CHRM3: variants seen among roughly 807,000 people sequenced by gnomAD.
CHRM3 encodes muscarinic acetylcholine receptor M3.
A neutral mutation model predicts 41.8 loss-of-function variants in CHRM3; 11 were observed. That is an observed-to-expected ratio of 0.26 (90% CI 0.17 to 0.44). CHRM3 has a LOEUF of 0.44. CHRM3 is among the 20% of genes least tolerant of loss of function. CHRM3 has a pLI of 1.00. For synonymous variants in CHRM3, 297 were observed against 301.4 expected (o/e 0.99, Z 0.15); for missense variants, 571 against 745.4 (o/e 0.77, Z 2.72).
chr1:239,824,905 C>G (rs186794742), intron 5 of CHRM3, among the ~76,000 whole-genome samples: 5 of 152,326 alleles, frequency 3.3e-5, no homozygotes, highest in Admixed American at 1.3e-4. Context: ...TCCAATAAGG[C>G]CTGATTCCTT....
intron 3 of CHRM3, among the ~76,000 whole-genome samples, chr1:239,562,851 G>A (rs2148497368): frequency 7.1e-6 from 1 of 141,842 alleles, no homozygotes; most frequent in Non-Finnish European, 1.5e-5. Context: ...TCGCGCCACT[G>A]CACTCCAGCC....
chr1:239,901,176 T>C (rs1182056371), intron 6 of CHRM3, among the ~76,000 whole-genome samples: 1 of 152,182 alleles, frequency 6.6e-6, no homozygotes, highest in Non-Finnish European at 1.5e-5. Flanking sequence ...TGATCAATAT[T>C]ATCAGATGCG....
chr1:239,600,349 C>A (rs1665365264), intron 3 of CHRM3, among the ~76,000 whole-genome samples: 1 of 151,884 alleles, frequency 6.6e-6, no homozygotes, highest in Non-Finnish European at 1.5e-5. Context: ...GGCTCTTCTG[C>A]TTGAGTGAAA....
intron 6 of CHRM3, among the ~76,000 whole-genome samples, chr1:239,867,356 T>C (rs763323916): frequency 1.3e-4 from 20 of 152,312 alleles, no homozygotes; most frequent in Non-Finnish European, 2.4e-4. Flanking sequence ...TATAGGAGTG[T>C]GCCCACTAGG....
chr1:239,881,207 C>T (rs529946676), intron 6 of CHRM3, among the ~76,000 whole-genome samples: 8 of 124,280 alleles, frequency 6.4e-5, no homozygotes, highest in South Asian at 2.8e-4. Flanking sequence ...GGCGTGAACC[C>T]GGGAGGCGGA....
At chr1:239,576,276 C>G (rs565930365) in intron 3 of CHRM3, among the ~76,000 whole-genome samples, 2 of 152,182 alleles carry the variant, frequency 1.3e-5, no homozygotes, top group East Asian at 3.9e-4. Context: ...CCTACCCACC[C>G]CCATCCCCAG....
intron 2 of CHRM3, among the ~76,000 whole-genome samples, chr1:239,505,399 G>A (rs1668504456): frequency 6.6e-6 from 1 of 151,954 alleles, no homozygotes; most frequent in African/African-American, 2.4e-5. Context: ...GAATCACTGG[G>A]GCAGGTCTTT....
At chr1:239,788,836 T>G (rs1425020297) in intron 5 of CHRM3, among the ~76,000 whole-genome samples, 1 of 152,182 alleles carries the variant, frequency 6.6e-6, no homozygotes, top group African/African-American at 2.4e-5. Context: ...ACTTTAAATC[T>G]ACAAAAAATG....
intron 3 of CHRM3, among the ~76,000 whole-genome samples, chr1:239,564,570 C>T (rs1661174574): frequency 6.6e-6 from 1 of 152,134 alleles, no homozygotes; most frequent in East Asian, 1.9e-4. Context: ...ATTCAAAATA[C>T]TACCTAAGGG....
chr1:239,877,602 T>C (rs1306957458), intron 6 of CHRM3, among the ~76,000 whole-genome samples: 1 of 152,190 alleles, frequency 6.6e-6, no homozygotes, highest in Non-Finnish European at 1.5e-5. Context: ...CTCCATTTTA[T>C]AGATGCAGAG....
intron 5 of CHRM3, among the ~76,000 whole-genome samples, chr1:239,809,582 C>T (rs1306757865): frequency 6.6e-6 from 1 of 152,100 alleles, no homozygotes; most frequent in Non-Finnish European, 1.5e-5. Flanking sequence ...ACTACAGCCT[C>T]AACTTCCCAG....
At chr1:239,674,458 T>G (rs544553457) in intron 4 of CHRM3, among the ~76,000 whole-genome samples, 1 of 152,030 alleles carries the variant, frequency 6.6e-6, no homozygotes, top group African/African-American at 2.4e-5. Flanking sequence ...GCCTGTAATC[T>G]CAGCACTTTG....
chr1:239,795,070 G>T (rs1020614988), intron 5 of CHRM3, among the ~76,000 whole-genome samples: 19 of 152,128 alleles, frequency 1.2e-4, no homozygotes, highest in Non-Finnish European at 1.5e-5. Flanking sequence ...TTATTCTTAA[G>T]AGGACAGAAT....
intron 5 of CHRM3, among the ~76,000 whole-genome samples, chr1:239,790,842 T>C (rs533158062): frequency 6.6e-6 from 1 of 152,290 alleles, no homozygotes; most frequent in Admixed American, 6.5e-5. Context: ...AATATAGCTT[T>C]GTGGACATCA....
At chr1:239,743,788 C>CTTTTTTTTTT (rs10718514) in intron 5 of CHRM3, among the ~76,000 whole-genome samples, 465 of 81,156 alleles carry the variant, frequency 5.7e-3, no homozygotes, top group Non-Finnish European at 6.8e-3. Context: ...TTTTTTTTTT[C>CTTTTTTTTTT]TTTTTTTTTT....
intron 5 of CHRM3, among the ~76,000 whole-genome samples, chr1:239,768,200 C>T (rs1667373233): frequency 6.6e-6 from 1 of 152,128 alleles, no homozygotes; most frequent in Non-Finnish European, 1.5e-5. Context: ...AGAGTATGCC[C>T]AATTTTTCAG....
At chr1:239,585,319 G>C (rs1444824238) in intron 3 of CHRM3, among the ~76,000 whole-genome samples, 1 of 152,106 alleles carries the variant, frequency 6.6e-6, no homozygotes, top group Non-Finnish European at 1.5e-5. Context: ...GGTTAGGAGA[G>C]AAGTGTGTCC....
chr1:239,527,019 A>T (rs1365145999), intron 2 of CHRM3, among the ~76,000 whole-genome samples: 1 of 152,146 alleles, frequency 6.6e-6, no homozygotes, highest in Non-Finnish European at 1.5e-5. Context: ...GCTATACAGG[A>T]GGCTGAGGTG....
chr1:239,621,719 A>C (rs535843208), intron 3 of CHRM3, among the ~76,000 whole-genome samples: 1 of 152,346 alleles, frequency 6.6e-6, no homozygotes, highest in South Asian at 2.1e-4. Context: ...AAGCTGCAGA[A>C]GAAGAATGTG....
Sources: allele counts gnomAD v4.1 joint callset (sites outside exome capture counted in the v4.1 genomes callset), GRCh38; gene constraint gnomAD v4.1.1; transcripts MANE v1.5; gene names NCBI Gene and HGNC (gene_info 2026-07-23, HGNC 2026-07-21).